SEZ6: variants seen among roughly 807,000 people sequenced by gnomAD.
SEZ6 encodes the protein seizure protein 6 homolog.
In SEZ6, 53 loss-of-function variants were observed where a neutral mutation model predicts 101.0. The observed-to-expected ratio is 0.52, with a 90% CI of 0.42 to 0.66. The LOEUF (loss-of-function observed/expected upper bound fraction) is 0.66. Ranked by LOEUF, SEZ6 falls within the 30% of genes least tolerant of loss-of-function variation. SEZ6 has a pLI of 0.00. For missense variants in SEZ6, 1,102 were observed against 1,289.4 expected (o/e 0.85, Z 2.23); for synonymous variants, 488 against 512.2 (o/e 0.95, Z 0.64).
In SEZ6 at chr17:28,981,382, A is replaced by G. The variant is rs2041299808; in HGVS notation, c.713T>C (p.Val238Ala). The change falls in exon 2 of 17, where the codon GTC becomes GCC. Residue 238 changes from valine (V) to alanine (A), a missense_variant. By Grantham distance (64) the Val-to-Ala change is moderately conservative (BLOSUM62 0). Transcript: ENST00000317338. ...TTIITTTITT[V>A]QTPGPCSWNF... ...AGCAGGTAGCTGACCTGGTGTCTGG[A>G]CTGTGGTGATGGTGGTGGTGATGAT... 3 of 1,549,528 alleles carry G rather than the reference A, an allele frequency of 1.9e-6. No homozygotes were observed. Among genetic ancestry groups the G allele is most frequent in the Non-Finnish European group, 1.7e-6 (2 of 1,145,506 alleles).
upstream of SEZ6, chr17:29,006,343 C>G (rs2041691249): frequency 6.6e-6 from 1 of 152,602 alleles, no homozygotes; most frequent in Non-Finnish European, 1.5e-5. Context: ...CCCTCTCCAC[C>G]CAATCCTGGT....
intron 1 of SEZ6, among the ~76,000 whole-genome samples, chr17:29,002,801 G>A (rs1252311713): frequency 6.6e-6 from 1 of 152,180 alleles, no homozygotes; most frequent in African/African-American, 2.4e-5. Context: ...ACCATTTTAG[G>A]TTAAGGCAGC....
chr17:28,968,563 C>CCTCA (rs2041104784), intron 4 of SEZ6, among the ~76,000 whole-genome samples: 1 of 152,220 alleles, frequency 6.6e-6, no homozygotes, highest in African/African-American at 2.4e-5. Context: ...TTCACCCTTG[C>CCTCA]CTCAGCTGGC....
At chr17:28,968,993 A>G (rs950227195) in intron 4 of SEZ6, among the ~76,000 whole-genome samples, 2 of 152,224 alleles carry the variant, frequency 1.3e-5, no homozygotes, top group Non-Finnish European at 2.9e-5. Context: ...TTAATGAAGC[A>G]TGTGCTAAGC....
rs559589024 is a variant in SEZ6 at position 28,959,997 on chromosome 17, G to A, written c.1577-105C>T. Reference sequence around the variant, plus strand: ...CCAGAGCCTTTCTTTTCCTGGGTACGAATGACAAATATATGTCCTGGGGTT... The same window carrying A: ...CCAGAGCCTTTCTTTTCCTGGGTACAAATGACAAATATATGTCCTGGGGTT... On this transcript the variant is annotated intron_variant, in intron 7 of 16. Coordinates refer to ENST00000317338, the MANE Select transcript of SEZ6 (RefSeq NM_178860.5). This position sits in a 1 kb window ranked among gnomAD's most constrained non-coding sequence, Gnocchi z 4.4. 99 of 1,241,288 alleles carry A rather than the reference G, an allele frequency of 8.0e-5. 1 individual carries two copies. Among genetic ancestry groups the A allele is most frequent in the Middle Eastern group, 7.3e-4 (3 of 4,082 alleles). The allele number at this position is 1,241,288 out of a possible 1,614,324, so 76.9% of individuals were successfully genotyped here.
At chr17:28,960,090 T>A in intron 7 of SEZ6, 198 bp from the exon 8 acceptor site, 1 of 624,972 alleles carries the variant, frequency 1.6e-6, no homozygotes, top group Non-Finnish European at 2.8e-6. Context: ...GGAGGCCATC[T>A]TGATTACCAT....
chr17:28,975,162 A>G (rs2041205551), intron 3 of SEZ6, among the ~76,000 whole-genome samples: 1 of 152,220 alleles, frequency 6.6e-6, no homozygotes, highest in African/African-American at 2.4e-5. Context: ...ATAGCCGGCT[A>G]TGAACTTACT....
At chr17:29,001,993 C>T (rs1033483238) in intron 1 of SEZ6, among the ~76,000 whole-genome samples, 14 of 152,160 alleles carry the variant, frequency 9.2e-5, no homozygotes, top group Non-Finnish European at 1.5e-5. Context: ...TATGTGAGAT[C>T]ACATGGGAGC....
At chr17:28,992,301 T>C (rs1171219518) in intron 1 of SEZ6, among the ~76,000 whole-genome samples, 3 of 152,214 alleles carry the variant, frequency 2.0e-5, no homozygotes, top group Non-Finnish European at 4.4e-5. Flanking sequence ...GCCTGTTCCA[T>C]AGCCTGGGAT....
Position 28,981,767 on chromosome 17 carries a change from G to T in SEZ6, c.328C>A (p.Leu110Met). ...ACAGGGCGGCTGTCCTGGTTGGCCA[G>T]GCGGGGAAGGGGACTTGGGGTGAAG... ...APFTPSPLPR[L>M]ANQDSRPVFT... The change falls in exon 2 of 17, where the codon CTG (leucine) becomes ATG (methionine). Residue 110 changes from leucine (L) to methionine (M), a missense_variant. By Grantham distance (15) the Leu-to-Met change is conservative (BLOSUM62 2). Transcript: ENST00000317338. The T allele has an allele frequency of 6.2e-7, 1 of 1,612,238 alleles. No homozygotes were observed. The highest frequency in any genetic ancestry group is 8.5e-7 in the Non-Finnish European group (1 of 1,178,512).
rs1028736025 is a variant in SEZ6, at chr17:29,005,206, G to T, written c.55+609C>A. Among the ~76,000 whole-genome samples the T allele has an allele frequency of 1.3e-5, 2 of 152,088 alleles. No individual in the cohort carries two copies. The highest frequency in any genetic ancestry group is 4.8e-5 in the African/African-American group (2 of 41,424). On this transcript the variant is annotated intron_variant, in intron 1 of 16. Coordinates refer to ENST00000317338, the MANE Select transcript of SEZ6 (RefSeq NM_178860.5). The surrounding 1 kb of genome is among the most constrained non-coding windows in gnomAD (Gnocchi z 4.8). ...GGGCAGAGCCAGGAGCCAGATAGGGGGTCCAGGCCCTTGGAGTTTCTCTCT... is the reference window on the plus strand; with the variant it reads ...GGGCAGAGCCAGGAGCCAGATAGGGTGTCCAGGCCCTTGGAGTTTCTCTCT...
chr17:28,956,856 T>C, intron 13 of SEZ6, 99 bp from the exon 14 acceptor site: 1 of 1,469,738 alleles, frequency 6.8e-7, no homozygotes, highest in Non-Finnish European at 9.3e-7. Context: ...GGGAAGGATT[T>C]GTCCAAGGAG....
intron 1 of SEZ6, among the ~76,000 whole-genome samples, chr17:28,985,938 C>T (rs2041374766): frequency 6.6e-6 from 1 of 152,230 alleles, no homozygotes; most frequent in African/African-American, 2.4e-5. Flanking sequence ...CGCAGTTGCT[C>T]AGTCCTCCCC....
In SEZ6 at chr17:28,960,638, G is replaced by T; in HGVS notation, c.1443C>A (p.Ala481=). The T allele has an allele frequency of 6.3e-7, 1 of 1,597,834 alleles. No individual in the cohort carries two copies. Among genetic ancestry groups the T allele is most frequent in the African/African-American group, 1.3e-5 (1 of 74,650 alleles). The change falls in exon 7 of 17, where the codon GCC becomes GCA. Residue 481 remains alanine, a synonymous_variant. Transcript: ENST00000317338. ...CCTCATAGGAATCATACACTGGTGGGGCCTCCACGTTGTCCCCATTGCGAA... is the reference window on the plus strand; with the variant it reads ...CCTCATAGGAATCATACACTGGTGGTGCCTCCACGTTGTCCCCATTGCGAA... The part of the protein sequence containing the change: ...LIIRNGDNVE[A]PPVYDSYEVE...
intron 1 of SEZ6, among the ~76,000 whole-genome samples, chr17:28,995,765 G>A (rs1206357391): frequency 6.6e-6 from 1 of 152,176 alleles, no homozygotes; most frequent in Non-Finnish European, 1.5e-5. Flanking sequence ...GCTGGTGGTG[G>A]TGGGACCCAG....
At chr17:28,986,619 G>A (rs566078263) in intron 1 of SEZ6, among the ~76,000 whole-genome samples, 1 of 152,246 alleles carries the variant, frequency 6.6e-6, no homozygotes, top group Non-Finnish European at 1.5e-5. Flanking sequence ...CAGCCTGGGG[G>A]AACCGCCGAA....
At chr17:28,965,474 T>A (rs2041050547) in intron 4 of SEZ6, among the ~76,000 whole-genome samples, 1 of 152,002 alleles carries the variant, frequency 6.6e-6, no homozygotes, top group Non-Finnish European at 1.5e-5. Context: ...TCCCCATCTC[T>A]GTAAAAAATT....
At position 28,957,237 on chromosome 17, in the gene SEZ6, G is replaced by GT; in HGVS notation, c.2499dup (p.Gln834ThrfsTer12). 1 of 1,614,030 alleles carries GT rather than the reference G, an allele frequency of 6.2e-7. No individual in the cohort carries two copies. The highest frequency in any genetic ancestry group is 1.3e-5 in the African/African-American group (1 of 75,060). ...CTGAGACCATGGCATGGCTTGAGCTGTTCCACTACAAAGCAGGCAGAGTGC... is the reference window on the plus strand; with the variant it reads ...CTGAGACCATGGCATGGCTTGAGCTGTTTCCACTACAAAGCAGGCAGAGTGC... On this transcript the variant is annotated frameshift_variant, in exon 13 of 17. Coordinates refer to ENST00000317338, the MANE Select transcript of SEZ6 (RefSeq NM_178860.5). LOFTEE classifies it high-confidence loss of function.
intron 1 of SEZ6, among the ~76,000 whole-genome samples, chr17:28,996,862 A>G (rs2041549934): frequency 6.6e-6 from 1 of 152,234 alleles, no homozygotes; most frequent in Non-Finnish European, 1.5e-5. Flanking sequence ...GACCCTGCAG[A>G]GCTGGGTGTG....
Sources: allele counts gnomAD v4.1 joint callset (sites outside exome capture counted in the v4.1 genomes callset), GRCh38; gene constraint gnomAD v4.1.1; non-coding constraint Gnocchi (gnomAD v3.1); transcripts MANE v1.5; gene names NCBI Gene and HGNC (gene_info 2026-07-23, HGNC 2026-07-21).